The following ZNF521 variants were observed in gnomAD, a reference collection of about 807,000 sequenced individuals.
The protein encoded by ZNF521 is zinc finger protein 521, also known as LYST-interacting protein 3.
In ZNF521, 14 loss-of-function variants were observed where a neutral mutation model predicts 105.5. That is an observed-to-expected ratio of 0.13 (90% confidence interval 0.09 to 0.21). The LOEUF is 0.21. ZNF521 is among the 10% of genes least tolerant of loss of function. The probability of loss-of-function intolerance (pLI) is 1.00; values close to 1 mark genes in which losing one functional copy is unlikely to be tolerated. For synonymous variants in ZNF521, 635 were observed against 606.0 expected (o/e 1.05, Z -0.70); for missense variants, 1,233 against 1,629.7 (o/e 0.76, Z 4.19).
At chr18:25,243,770 A>AT (rs1907512366) in intron 3 of ZNF521, among the ~76,000 whole-genome samples, 2 of 152,176 alleles carry the variant, frequency 1.3e-5, no homozygotes, top group Admixed American at 6.6e-5. Context: ...GTTTTCATAA[A>AT]TTTTTTAAAA....
At chr18:25,076,176 C>T (rs774851980) in intron 7 of ZNF521, among the ~76,000 whole-genome samples, 5 of 152,110 alleles carry the variant, frequency 3.3e-5, no homozygotes, top group Non-Finnish European at 7.3e-5. Flanking sequence ...ACACAGTGAG[C>T]GTTCAAAAAC....
chr18:25,214,815 G>T (rs901475298), intron 4 of ZNF521, among the ~76,000 whole-genome samples: 1 of 152,082 alleles, frequency 6.6e-6, no homozygotes, highest in East Asian at 1.9e-4. Flanking sequence ...AATATAGTTT[G>T]GCCTGGAGAA....
At chr18:25,331,899 T>TC (rs892276100) in intron 2 of ZNF521, among the ~76,000 whole-genome samples, 10 of 150,300 alleles carry the variant, frequency 6.7e-5, no homozygotes, top group South Asian at 2.1e-4. Flanking sequence ...TTTTCTTTTT[T>TC]TTTTTTTTTA....
At chr18:25,147,581 G>C (rs1311609239) in intron 5 of ZNF521, among the ~76,000 whole-genome samples, 1 of 152,088 alleles carries the variant, frequency 6.6e-6, no homozygotes, top group African/African-American at 2.4e-5. Context: ...ATAGCTTCCA[G>C]ACCAATTTAT....
intron 7 of ZNF521, among the ~76,000 whole-genome samples, chr18:25,077,532 G>T (rs377647902): frequency 0.011 from 1,710 of 151,532 alleles, 36 homozygotes; most frequent in African/African-American, 0.04. Context: ...CTCCTCTTAT[G>T]TTTTTTTTAA....
At chr18:25,232,316 C>T (rs1906586797) in intron 3 of ZNF521, among the ~76,000 whole-genome samples, 1 of 152,174 alleles carries the variant, frequency 6.6e-6, no homozygotes, top group Non-Finnish European at 1.5e-5. Context: ...GTTACAAAGA[C>T]TAGTGAATGT....
chr18:25,178,429 C>A (rs555890655), intron 5 of ZNF521, among the ~76,000 whole-genome samples: 1 of 152,312 alleles, frequency 6.6e-6, no homozygotes, highest in Admixed American at 6.5e-5. Flanking sequence ...ATGATATGAA[C>A]ATAACCACTT....
intron 5 of ZNF521, among the ~76,000 whole-genome samples, chr18:25,131,649 G>A (rs140347761): frequency 1.2e-4 from 19 of 152,140 alleles, no homozygotes; most frequent in African/African-American, 4.1e-4. Context: ...TATATCCCTC[G>A]TATCTAGCCC....
chr18:25,128,626 T>TAA (rs2034580848), intron 5 of ZNF521, among the ~76,000 whole-genome samples: 1 of 152,010 alleles, frequency 6.6e-6, no homozygotes, highest in Non-Finnish European at 1.5e-5. Context: ...GATACAAGGT[T>TAA]GATATACAAG....
At chr18:25,286,001 G>A (rs1910689642) in intron 3 of ZNF521, among the ~76,000 whole-genome samples, 1 of 152,230 alleles carries the variant, frequency 6.6e-6, no homozygotes. Flanking sequence ...TATTAGTGAT[G>A]TACGACTTAA....
chr18:25,149,726 A>G (rs976914301), intron 5 of ZNF521, among the ~76,000 whole-genome samples: 4 of 152,204 alleles, frequency 2.6e-5, no homozygotes, highest in Admixed American at 1.3e-4. Context: ...GGCCACAGCT[A>G]AAGTGAAGCT....
chr18:25,197,546 C>A (rs368226622), intron 4 of ZNF521, among the ~76,000 whole-genome samples: 5 of 151,810 alleles, frequency 3.3e-5, no homozygotes, highest in African/African-American at 9.7e-5. Flanking sequence ...CACCTGTACA[C>A]CATCTTTAAG....
intron 4 of ZNF521, among the ~76,000 whole-genome samples, chr18:25,205,393 A>T (rs941547855): frequency 6.6e-6 from 1 of 152,212 alleles, no homozygotes; most frequent in Non-Finnish European, 1.5e-5. Context: ...ACTCTTTCAG[A>T]AACAAACCTG....
At chr18:25,168,379 C>T (rs1261435024) in intron 5 of ZNF521, among the ~76,000 whole-genome samples, 1 of 152,136 alleles carries the variant, frequency 6.6e-6, no homozygotes, top group Non-Finnish European at 1.5e-5. Context: ...CTCTTCAACC[C>T]TTTTCTCCCG....
At chr18:25,180,112 T>A (rs960492996) in intron 5 of ZNF521, among the ~76,000 whole-genome samples, 4 of 152,192 alleles carry the variant, frequency 2.6e-5, no homozygotes, top group African/African-American at 9.7e-5. Flanking sequence ...ATGAAAGCCC[T>A]TTTTTGCCCA....
chr18:25,335,072 G>A (rs1702001400), intron 2 of ZNF521, among the ~76,000 whole-genome samples: 1 of 152,152 alleles, frequency 6.6e-6, no homozygotes. Context: ...CATGCCGATT[G>A]TGCACACAGG....
chr18:25,300,847 AC>A (rs1366365811), intron 3 of ZNF521, among the ~76,000 whole-genome samples: 1 of 152,104 alleles, frequency 6.6e-6, no homozygotes, highest in Non-Finnish European at 1.5e-5. Flanking sequence ...ATACTTTCCC[AC>A]CCTCAAAGAT....
At chr18:25,178,326 G>C (rs1368368774) in intron 5 of ZNF521, among the ~76,000 whole-genome samples, 2 of 152,202 alleles carry the variant, frequency 1.3e-5, no homozygotes, top group Admixed American at 6.5e-5. Flanking sequence ...AGGCACATAT[G>C]TTTTCATGTA....
At chr18:25,084,650 T>A (rs912293749) in intron 7 of ZNF521, among the ~76,000 whole-genome samples, 1 of 152,142 alleles carries the variant, frequency 6.6e-6, no homozygotes, top group Admixed American at 6.6e-5. Flanking sequence ...ATACTAGAAT[T>A]TCAGAGCCTA....
Sources: allele counts gnomAD v4.1 joint callset (sites outside exome capture counted in the v4.1 genomes callset), GRCh38; gene constraint gnomAD v4.1.1; transcripts MANE v1.5; gene names NCBI Gene and HGNC (gene_info 2026-07-23, HGNC 2026-07-21).